The following FOXN3 variants were observed in gnomAD, a reference collection of about 807,000 sequenced individuals.
The protein encoded by FOXN3 is forkhead box protein N3.
A neutral mutation model predicts 38.4 loss-of-function variants in FOXN3; 7 were observed. That is an observed-to-expected ratio of 0.18 (90% CI 0.10 to 0.34). The LOEUF is 0.34. FOXN3 is among the 10% of genes least tolerant of loss of function. The pLI, the probability that FOXN3 is intolerant of heterozygous loss-of-function variation, is 1.00. For synonymous variants in FOXN3, 230 were observed against 242.2 expected (o/e 0.95, Z 0.47); for missense variants, 456 against 613.4 (o/e 0.74, Z 2.71).
chr14:89,574,708 T>A (rs1357554028), intron 1 of FOXN3, among the ~76,000 whole-genome samples: 1 of 152,128 alleles, frequency 6.6e-6, no homozygotes, highest in Non-Finnish European at 1.5e-5. Context: ...ATGGGAAGCT[T>A]CTCTGATCGT....
intron 1 of FOXN3, among the ~76,000 whole-genome samples, chr14:89,572,449 T>C (rs1001338966): frequency 2.0e-5 from 3 of 152,244 alleles, no homozygotes; most frequent in Non-Finnish European, 4.4e-5. Flanking sequence ...GAATAAATTC[T>C]GACCAGTTTC....
intron 2 of FOXN3, among the ~76,000 whole-genome samples, chr14:89,367,456 C>T (rs1334482136): frequency 6.6e-6 from 1 of 152,110 alleles, no homozygotes; most frequent in Admixed American, 6.6e-5. Context: ...TCAGTGTTAT[C>T]GATTCCTCCA....
chr14:89,520,726 T>C (rs544873523), intron 1 of FOXN3, among the ~76,000 whole-genome samples: 2 of 152,170 alleles, frequency 1.3e-5, no homozygotes, highest in South Asian at 2.1e-4. Flanking sequence ...CAATGTATCA[T>C]TCACAACAAC....
intron 3 of FOXN3, among the ~76,000 whole-genome samples, chr14:89,308,591 T>C (rs1444002127): frequency 1.3e-5 from 2 of 152,170 alleles, no homozygotes; most frequent in African/African-American, 4.8e-5. Flanking sequence ...CCCACATCCG[T>C]GGCCACATAC....
intron 3 of FOXN3, among the ~76,000 whole-genome samples, chr14:89,301,551 C>T (rs1437129320): frequency 2.0e-5 from 3 of 151,888 alleles, no homozygotes; most frequent in African/African-American, 4.8e-5. Flanking sequence ...AGATGGATCA[C>T]GAGGTCAGGA....
intron 1 of FOXN3, among the ~76,000 whole-genome samples, chr14:89,463,814 T>C (rs974245741): frequency 6.7e-6 from 1 of 148,480 alleles, no homozygotes; most frequent in African/African-American, 2.5e-5. Flanking sequence ...GATGGAGTTG[T>C]GCTCTTGTCA....
At position 89,163,687 on chromosome 14, in the gene FOXN3, C is replaced by A. The variant is rs1296666295; in HGVS notation, c.852-718G>T. 6.6e-6 allele frequency among the ~76,000 whole-genome samples: 1 copy of A among 152,204 alleles called. No individual in the cohort carries two copies. Among genetic ancestry groups the A allele is most frequent in the Non-Finnish European group, 1.5e-5 (1 of 68,040 alleles). Reference sequence around the variant, plus strand: ...CTTCCCGAACTCAACACCTGCCAGGCGCTCTGCTAAGTCTGTGCAGAGGAC... The same window carrying A: ...CTTCCCGAACTCAACACCTGCCAGGAGCTCTGCTAAGTCTGTGCAGAGGAC... On this transcript the variant is annotated intron_variant, in intron 5 of 5. Coordinates refer to ENST00000557258, the MANE Select transcript of FOXN3 (RefSeq NM_005197.4). This position sits in a 1 kb window ranked among gnomAD's most constrained non-coding sequence, Gnocchi z 4.3.
intron 4 of FOXN3, among the ~76,000 whole-genome samples, chr14:89,261,479 C>T (rs921631179): frequency 1.3e-5 from 2 of 152,172 alleles, no homozygotes; most frequent in Non-Finnish European, 2.9e-5. Context: ...TTCTACCTTT[C>T]CATATTTCTG....
At chr14:89,366,783 C>G (rs2140051407) in intron 2 of FOXN3, among the ~76,000 whole-genome samples, 1 of 152,238 alleles carries the variant, frequency 6.6e-6, no homozygotes, top group East Asian at 1.9e-4. Context: ...ACAAACGAGT[C>G]AGGTTTTATG....
intron 3 of FOXN3, among the ~76,000 whole-genome samples, chr14:89,342,488 AT>A (rs1223319269): frequency 1.3e-5 from 2 of 152,244 alleles, no homozygotes; most frequent in African/African-American, 4.8e-5. Context: ...AGACAACATG[AT>A]TTGATATGAA....
intron 4 of FOXN3, among the ~76,000 whole-genome samples, chr14:89,261,255 G>A (rs1885790975): frequency 6.6e-6 from 1 of 152,188 alleles, no homozygotes; most frequent in Non-Finnish European, 1.5e-5. Context: ...AGGCATGGGA[G>A]CAACACCACT....
intron 1 of FOXN3, among the ~76,000 whole-genome samples, chr14:89,539,000 C>T (rs975104835): frequency 1.3e-5 from 2 of 152,066 alleles, no homozygotes; most frequent in African/African-American, 2.4e-5. Context: ...CCCGCCACCA[C>T]GTCTGGCTAA....
chr14:89,311,828 A>AAAAC lies in FOXN3; in HGVS notation c.681-30818_681-30815dup, dbSNP rs992748342. On this transcript the variant is annotated intron_variant, in intron 3 of 5. Coordinates refer to ENST00000557258, the MANE Select transcript of FOXN3 (RefSeq NM_005197.4). ...GTGACAGAGCGAGACTCCGTCTCAA[A>AAAAC]AAACAAACAAACAAACAAACAAAAA... Among the ~76,000 whole-genome samples the AAAAC allele has an allele frequency of 6.6e-5, 10 of 152,252 alleles. No homozygotes were observed. In the East Asian group the frequency reaches 1.2e-3, roughly 18 times the overall value.
At chr14:89,360,767 T>TACC (rs1210016334) in intron 2 of FOXN3, among the ~76,000 whole-genome samples, 403 of 17,800 alleles carry the variant, frequency 0.023, 10 homozygotes, top group Non-Finnish European at 0.028. Context: ...CCTCCACCAC[T>TACC]ACCACCTCCA....
At chr14:89,558,946 C>A (rs1344501884) in intron 1 of FOXN3, among the ~76,000 whole-genome samples, 1 of 152,220 alleles carries the variant, frequency 6.6e-6, no homozygotes, top group African/African-American at 2.4e-5. Flanking sequence ...GAAACTTCTT[C>A]TGATTTACCC....
chr14:89,429,936 A>T (rs1892120870), intron 1 of FOXN3, among the ~76,000 whole-genome samples: 1 of 152,188 alleles, frequency 6.6e-6, no homozygotes, highest in Non-Finnish European at 1.5e-5. Flanking sequence ...AATGAGAGAG[A>T]TACTTGTCTC....
In FOXN3 at chr14:89,303,777, T is replaced by A. The variant is rs114731002; in HGVS notation, c.681-22763A>T. Among the ~76,000 whole-genome samples, 706 of 152,364 alleles carry A rather than the reference T, an allele frequency of 4.6e-3. 4 individuals carry two copies. Among genetic ancestry groups the A allele is most frequent in the African/African-American group, 0.017 (694 of 41,584 alleles). On this transcript the variant is annotated intron_variant, in intron 3 of 5. Transcript: ENST00000557258. ...AGTTTAATGGATGTTTCTGAGCATC[T>A]ATACATCGCCTTCTTCTCAGAACAG...
intron 1 of FOXN3, among the ~76,000 whole-genome samples, chr14:89,512,425 T>C (rs963510639): frequency 1.3e-5 from 2 of 152,136 alleles, no homozygotes; most frequent in Admixed American, 6.5e-5. Context: ...ATTGTGGAGA[T>C]TGGACAAGAC....
intron 1 of FOXN3, among the ~76,000 whole-genome samples, chr14:89,481,260 T>G (rs1893321697): frequency 6.6e-6 from 1 of 152,170 alleles, no homozygotes; most frequent in East Asian, 1.9e-4. Context: ...CTTTTCCATG[T>G]AAAATGCAGC....
Sources: gnomAD v4.1 joint callset for allele counts (sites outside exome capture counted in the v4.1 genomes callset) on GRCh38, gnomAD v4.1.1 for gene constraint, Gnocchi (gnomAD v3.1) non-coding constraint, MANE v1.5 for transcripts, NCBI Gene and HGNC (gene_info 2026-07-23, HGNC 2026-07-21) for gene names.